Variants in STK32B observed in about 807,000 individuals in gnomAD.
STK32B encodes serine/threonine-protein kinase 32B.
Under a neutral mutation model 52.6 loss-of-function variants are expected in STK32B, and 43 were observed. That is an observed-to-expected ratio of 0.82 (90% CI 0.64 to 1.05). The LOEUF is 1.05. Ranked by LOEUF, STK32B falls within the 50% of genes least tolerant of loss-of-function variation. STK32B has a pLI of 0.00. For missense variants in STK32B, 621 were observed against 534.6 expected (o/e 1.16, Z -1.59); for synonymous variants, 238 against 204.3 (o/e 1.17, Z -1.41).
chr4:5,239,571 G>C (rs916671742), intron 3 of STK32B, among the ~76,000 whole-genome samples: 3 of 152,026 alleles, frequency 2.0e-5, no homozygotes, highest in Non-Finnish European at 4.4e-5. Context: ...TACTTCCAGG[G>C]CACCCCAGAT....
intron 11 of STK32B, among the ~76,000 whole-genome samples, chr4:5,495,772 G>A (rs1237641932): frequency 6.6e-6 from 1 of 152,168 alleles, no homozygotes; most frequent in Non-Finnish European, 1.5e-5. Flanking sequence ...TGTCCTTTCT[G>A]TTTGTTAGTT....
intron 1 of STK32B, among the ~76,000 whole-genome samples, chr4:5,071,893 A>G (rs1311733294): frequency 6.6e-6 from 1 of 152,178 alleles, no homozygotes; most frequent in Non-Finnish European, 1.5e-5. Context: ...AAACAAAACT[A>G]TAATTGAGAA....
chr4:5,488,921 T>C (rs960268536), intron 11 of STK32B, among the ~76,000 whole-genome samples: 1 of 152,040 alleles, frequency 6.6e-6, no homozygotes, highest in Non-Finnish European at 1.5e-5. Flanking sequence ...ATGTCTGTCT[T>C]ATAATTCTTA....
chr4:5,297,473 C>A (rs1424193169), intron 3 of STK32B, among the ~76,000 whole-genome samples: 1 of 150,684 alleles, frequency 6.6e-6, no homozygotes, highest in Non-Finnish European at 1.5e-5. Context: ...GCTTTTCATT[C>A]TTTTCATTCT....
At position 5,077,439 on chromosome 4, in the gene STK32B, C is replaced by T. The variant is rs75092664; in HGVS notation, c.52+25524C>T. Among the ~76,000 whole-genome samples, 1,503 of 152,212 alleles carry T rather than the reference C, an allele frequency of 9.9e-3. 14 individuals carry two copies. Among genetic ancestry groups the T allele is most frequent in the African/African-American group, 0.035 (1,436 of 41,540 alleles). ...CCAACCAGCTGTGAGGGCAGACACC[C>T]ACTGAACTCAAAACAGCTTTGGAAT... On this transcript the variant is annotated intron_variant, in intron 1 of 11. Transcript: ENST00000282908.
intron 6 of STK32B, among the ~76,000 whole-genome samples, chr4:5,440,899 G>C (rs1282232070): frequency 1.3e-5 from 2 of 151,146 alleles, no homozygotes; most frequent in Non-Finnish European, 2.9e-5. Context: ...TTATATGCTG[G>C]ATTACATTTA....
At chr4:5,475,968 C>G (rs1403724976) in intron 11 of STK32B, among the ~76,000 whole-genome samples, 1 of 151,866 alleles carries the variant, frequency 6.6e-6, no homozygotes, top group East Asian at 2.0e-4. Flanking sequence ...AATCTTGGCT[C>G]ACTGCAACCT....
chr4:5,372,156 A>G (rs966256665), intron 4 of STK32B, among the ~76,000 whole-genome samples: 1 of 152,248 alleles, frequency 6.6e-6, no homozygotes, highest in Non-Finnish European at 1.5e-5. Context: ...CTGCAGTCAG[A>G]AGGGCTTACA....
intron 3 of STK32B, among the ~76,000 whole-genome samples, chr4:5,260,775 G>T (rs1209764646): frequency 6.6e-6 from 1 of 152,180 alleles, no homozygotes; most frequent in Non-Finnish European, 1.5e-5. Flanking sequence ...TAGCAAGAAG[G>T]AGGTCTACTA....
At chr4:5,125,730 C>T (rs973357534) in intron 1 of STK32B, among the ~76,000 whole-genome samples, 8 of 152,236 alleles carry the variant, frequency 5.3e-5, no homozygotes, top group African/African-American at 1.9e-4. Flanking sequence ...CTATCTGCTT[C>T]TGCTTTCATC....
intron 4 of STK32B, among the ~76,000 whole-genome samples, chr4:5,347,999 A>G (rs4435688): frequency 6.6e-6 from 1 of 152,184 alleles, no homozygotes; most frequent in Non-Finnish European, 1.5e-5. Context: ...AATAATGAGT[A>G]CATAACCACT....
chr4:5,099,454 G>GCGCAACGCGCTCGCACA (rs1553823532), intron 1 of STK32B, among the ~76,000 whole-genome samples: 1 of 129,744 alleles, frequency 7.7e-6, no homozygotes, highest in African/African-American at 2.6e-5. Context: ...GTGTGTGCGC[G>GCGCAACGCGCTCGCACA]CGCGCGTATG....
intron 1 of STK32B, among the ~76,000 whole-genome samples, chr4:5,133,639 T>C (rs1461677878): frequency 6.6e-6 from 1 of 152,206 alleles, no homozygotes; most frequent in Non-Finnish European, 1.5e-5. Context: ...ATCGCCATCA[T>C]TATATGCTGA....
At chr4:5,203,906 C>G (rs1722352041) in intron 3 of STK32B, among the ~76,000 whole-genome samples, 1 of 152,180 alleles carries the variant, frequency 6.6e-6, no homozygotes. Flanking sequence ...GCCCCATAGC[C>G]AGTGACTGGT....
At chr4:5,303,067 T>A (rs891133443) in intron 3 of STK32B, among the ~76,000 whole-genome samples, 1 of 152,032 alleles carries the variant, frequency 6.6e-6, no homozygotes, top group Non-Finnish European at 1.5e-5. Flanking sequence ...TCACTTTTTT[T>A]ATTCACTAGT....
At chr4:5,153,979 C>G (rs1246001261) in intron 2 of STK32B, among the ~76,000 whole-genome samples, 2 of 151,952 alleles carry the variant, frequency 1.3e-5, no homozygotes, top group African/African-American at 2.4e-5. Flanking sequence ...TTATAGTTAT[C>G]TATACTAGAT....
chr4:5,354,991 G>T lies in STK32B; in HGVS notation c.434+23598G>T, dbSNP rs139047620. ...AGAAATGCAGACACCTCTAGAACCT[G>T]GAAGAGGGAGGGAAACATTCTCCCT... On this transcript the variant is annotated intron_variant, in intron 4 of 11. Transcript: ENST00000282908. 7.4e-4 allele frequency among the ~76,000 whole-genome samples: 112 copies of T among 152,266 alleles called. 1 individual carries two copies. The highest frequency in any genetic ancestry group is 2.5e-3 in the African/African-American group (102 of 41,542).
chr4:5,216,370 C>G (rs1408569319), intron 3 of STK32B, among the ~76,000 whole-genome samples: 1 of 152,152 alleles, frequency 6.6e-6, no homozygotes, highest in Non-Finnish European at 1.5e-5. Context: ...AGTGCTTACC[C>G]TCATGGAGCG....
intron 3 of STK32B, among the ~76,000 whole-genome samples, chr4:5,260,566 A>G (rs958615020): frequency 2.0e-5 from 3 of 152,194 alleles, no homozygotes; most frequent in Non-Finnish European, 2.9e-5. Context: ...GAATAGGAGT[A>G]CACTAGGCTA....
Sources: allele counts gnomAD v4.1 joint callset (sites outside exome capture counted in the v4.1 genomes callset), GRCh38; gene constraint gnomAD v4.1.1; transcripts MANE v1.5; gene names NCBI Gene and HGNC (gene_info 2026-07-23, HGNC 2026-07-21).